CDON: variants seen among roughly 807,000 people sequenced by gnomAD.
The protein encoded by CDON is cell adhesion molecule-related/down-regulated by oncogenes.
In CDON, 73 loss-of-function variants were observed where a neutral mutation model predicts 120.9. That is an observed-to-expected ratio of 0.60 (90% CI 0.50 to 0.73). The LOEUF is 0.73. Ranked by LOEUF, CDON falls within the 30% of genes least tolerant of loss-of-function variation. The probability of loss-of-function intolerance (pLI) is 0.00; values close to 1 mark genes in which losing one functional copy is unlikely to be tolerated. For synonymous variants in CDON, 566 were observed against 573.5 expected (o/e 0.99, Z 0.19); for missense variants, 1,470 against 1,587.3 (o/e 0.93, Z 1.26).
rs144308130 is a variant in CDON, at chr11:125,985,886, A to G, written c.2774-1793T>C. Among the ~76,000 whole-genome samples the G allele has an allele frequency of 2.6e-3, 389 of 152,096 alleles. 2 individuals carry two copies. The highest frequency in any genetic ancestry group is 4.1e-3 in the Non-Finnish European group (282 of 67,970). On this transcript the variant is annotated intron_variant, in intron 15 of 19. Coordinates refer to ENST00000531738, the MANE Select transcript of CDON (RefSeq NM_001378964.1). ...GTTGGTGGAAGTGTAAACTAGTTCA[A>G]CCATTCTGGAAGACAGTGTGGCGAT...
At position 125,958,565 on chromosome 11, in the gene CDON, A is replaced by ATATATATGTGTGTGTGTG. The variant is rs371911236; in HGVS notation, c.*2376_*2377insCACACACACACATATATA. 1 of 130,084 alleles carries ATATATATGTGTGTGTGTG rather than the reference A, an allele frequency of 7.7e-6. No homozygotes were observed. The highest frequency in any genetic ancestry group is 1.6e-5 in the Non-Finnish European group (1 of 62,376). 8.1% of individuals were successfully genotyped at this position (130,084 alleles called of 1,614,324 possible). On this transcript the variant is annotated 3_prime_UTR_variant, in exon 20 of 20. Transcript: ENST00000531738. ...AAGGCAATTATATATATATATATAT[A>ATATATATGTGTGTGTGTG]TGTGTGTGTGTGTGTGTGTGTGTGT...
At chr11:126,003,819 C>A in intron 10 of CDON, 83 bp downstream of exon 10, 2 of 1,278,500 alleles carry the variant, frequency 1.6e-6, no homozygotes, top group South Asian at 1.2e-5. Context: ...GACTCCATCT[C>A]AAAAAAAATA....
chr11:125,981,212 G>T lies in CDON; in HGVS notation c.3113C>A (p.Thr1038Asn). 1.2e-6 allele frequency: 2 copies of T among 1,614,194 alleles called. No homozygotes were observed. Among genetic ancestry groups the T allele is most frequent in the Non-Finnish European group, 1.7e-6 (2 of 1,180,030 alleles). ...ATAGCCACTGCTGAGACCGCCATTG[G>T]TTAGGAAGCCTCCGTGAACATTTCC... The part of the protein sequence containing the change: ...INGNVHGGFL[T>N]NGGLSSGYSH... The change falls in exon 17 of 20, where the codon ACC becomes AAC. Residue 1038 changes from threonine to asparagine, a missense_variant. Transcript: ENST00000531738.
chr11:125,976,474 C>CCA (rs1456566206), intron 18 of CDON, among the ~76,000 whole-genome samples: 1 of 151,956 alleles, frequency 6.6e-6, no homozygotes, highest in Non-Finnish European at 1.5e-5. Context: ...ACAGTAAAAC[C>CCA]CACACACATG....
At chr11:125,989,305 G>A (rs1946559322) in intron 15 of CDON, among the ~76,000 whole-genome samples, 3 of 152,172 alleles carry the variant, frequency 2.0e-5, no homozygotes, top group Admixed American at 1.3e-4. Flanking sequence ...GGAAGCCCAG[G>A]TGGGTACATC....
intron 1 of CDON, among the ~76,000 whole-genome samples, chr11:126,033,920 C>G (rs964117588): frequency 6.6e-6 from 1 of 152,126 alleles, no homozygotes; most frequent in Non-Finnish European, 1.5e-5. Context: ...GATGTATCTT[C>G]TGACCTGCCG....
intron 11 of CDON, among the ~76,000 whole-genome samples, chr11:126,000,312 A>G (rs896679759): frequency 1.3e-5 from 2 of 152,188 alleles, no homozygotes; most frequent in Non-Finnish European, 2.9e-5. Context: ...GGCTCAAGAG[A>G]TCTGCCTGCC....
In CDON at chr11:125,994,403, G is replaced by C; in HGVS notation, c.2545-14C>G. On this transcript the variant is annotated splice_polypyrimidine_tract_variant and intron_variant, in intron 13 of 19. Coordinates refer to ENST00000531738, the MANE Select transcript of CDON (RefSeq NM_001378964.1). The stretch of plus-strand genomic sequence containing the variant: ...TGATGGAATGTACTAAAAAACAGAA[G>C]CAAAGACTTGTCAAAGAGAAAAATT... The C allele has an allele frequency of 2.2e-6, 3 of 1,334,970 alleles. No homozygotes were observed. Among genetic ancestry groups the C allele is most frequent in the Non-Finnish European group, 3.2e-6 (3 of 925,982 alleles). The allele number at this position is 1,334,970 out of a possible 1,614,324, so 82.7% of individuals were successfully genotyped here. A position where few individuals can be genotyped will look rare whatever the true frequency, so the allele number is the denominator to read the frequency against.
intron 11 of CDON, among the ~76,000 whole-genome samples, chr11:125,998,456 T>A (rs1035343004): frequency 6.6e-6 from 1 of 152,226 alleles, no homozygotes; most frequent in East Asian, 1.9e-4. Flanking sequence ...TTTCCCACCA[T>A]GTGATGTGCC....
intron 8 of CDON, among the ~76,000 whole-genome samples, chr11:126,007,959 G>A (rs952823273): frequency 6.6e-6 from 1 of 152,006 alleles, no homozygotes; most frequent in Non-Finnish European, 1.5e-5. Flanking sequence ...TTTTTGAATC[G>A]GAAAAGAGAT....
intron 6 of CDON, among the ~76,000 whole-genome samples, chr11:126,016,269 C>T (rs1947465683): frequency 6.6e-6 from 1 of 152,194 alleles, no homozygotes; most frequent in East Asian, 1.9e-4. Context: ...TTTTCTGCAG[C>T]TACACATGAT....
At chr11:126,039,766 C>T (rs527678500) in intron 1 of CDON, among the ~76,000 whole-genome samples, 1 of 152,212 alleles carries the variant, frequency 6.6e-6, no homozygotes, top group Non-Finnish European at 1.5e-5. Context: ...CTCAAAAAGA[C>T]CCAATGTGTC....
intron 1 of CDON, among the ~76,000 whole-genome samples, chr11:126,040,487 T>G (rs1236421395): frequency 6.6e-6 from 1 of 152,204 alleles, no homozygotes; most frequent in African/African-American, 2.4e-5. Flanking sequence ...ACTACAACAA[T>G]TTTTAAAAAG....
chr11:125,982,912 G>A (rs1946354259), intron 16 of CDON, among the ~76,000 whole-genome samples: 1 of 151,920 alleles, frequency 6.6e-6, no homozygotes, highest in South Asian at 2.1e-4. Context: ...AAAGGCGATG[G>A]CATTAAAACC....
At chr11:125,995,276 G>A (rs959998535) in intron 12 of CDON, among the ~76,000 whole-genome samples, 3 of 152,116 alleles carry the variant, frequency 2.0e-5, no homozygotes, top group African/African-American at 7.2e-5. Context: ...AAGATCCCAA[G>A]ACCTTCTTAG....
chr11:126,040,740 G>A (rs1489345474), intron 1 of CDON, among the ~76,000 whole-genome samples: 6 of 143,116 alleles, frequency 4.2e-5, no homozygotes, highest in South Asian at 4.5e-4. Flanking sequence ...GCGTGAACCC[G>A]GGAGGCGGAG....
At position 125,995,046 on chromosome 11, in the gene CDON, G is replaced by A; in HGVS notation, c.2369C>T (p.Thr790Ile). 6.2e-7 allele frequency: 1 copy of A among 1,613,592 alleles called. No individual in the cohort carries two copies. Among genetic ancestry groups the A allele is most frequent in the Non-Finnish European group, 8.5e-7 (1 of 1,179,724 alleles). ...GATGGCAATGACCCTAAATTTGTAT[G>A]TTGAACCTTTGAGGGAAAACAAAAA... is the stretch of plus-strand genomic sequence containing the variant. ...VEVRSLEPGS[T>I]YKFRVIAINH... The change falls in exon 13 of 20, where the codon ACA (threonine) becomes ATA (isoleucine). Residue 790 changes from threonine to isoleucine, a missense_variant. Physicochemically the swap from Thr to Ile is moderately conservative, Grantham distance 89. Coordinates refer to ENST00000531738, the MANE Select transcript of CDON (RefSeq NM_001378964.1).
At chr11:126,049,754 A>G (rs1948508958) in intron 1 of CDON, among the ~76,000 whole-genome samples, 1 of 152,234 alleles carries the variant, frequency 6.6e-6, no homozygotes. Flanking sequence ...CAAGAAATTG[A>G]AAAACAAATT....
Position 125,983,941 on chromosome 11 carries a change from T to C in CDON, c.2926A>G (p.Met976Val). ...ATGAAAACCATCAGAATGAGGACCA[T>C]GACGCCCAGCACACAGCCAACGATC... ...YLIVGCVLGV[M>V]VLILMVFIAM... Residue 976 changes from methionine to valine, a missense_variant, in exon 16 of 20, where the codon ATG becomes GTG. Met to Val is a conservative substitution (Grantham distance 21). Coordinates refer to ENST00000531738, the MANE Select transcript of CDON (RefSeq NM_001378964.1). 1.2e-6 allele frequency: 2 copies of C among 1,614,170 alleles called. No homozygotes were observed.
Sources: gnomAD v4.1 joint callset for allele counts (sites outside exome capture counted in the v4.1 genomes callset) on GRCh38, gnomAD v4.1.1 for gene constraint, MANE v1.5 for transcripts, NCBI Gene and HGNC (gene_info 2026-07-23, HGNC 2026-07-21) for gene names.